Variants in GRIN2B observed in about 807,000 individuals in gnomAD.
GRIN2B encodes glutamate ionotropic receptor NMDA type subunit 2B, also known as glutamate receptor ionotropic, NMDA 2B.
A neutral mutation model predicts 114.5 loss-of-function variants in GRIN2B; 5 were observed. The ratio of observed to expected loss-of-function variants is 0.04; its 90% CI spans 0.02 to 0.09. The LOEUF (loss-of-function observed/expected upper bound fraction) is 0.09. GRIN2B is among the 10% of genes least tolerant of loss of function. The pLI, the probability that GRIN2B is intolerant of heterozygous loss-of-function variation, is 1.00. For synonymous variants in GRIN2B, 787 were observed against 745.1 expected, an observed-to-expected ratio of 1.06 and a Z score of -0.92; for missense variants, 1,108 against 1,943.5, an observed-to-expected ratio of 0.57 and a Z score of 8.08.
chr12:13,780,059 T>A (rs990879846), intron 3 of GRIN2B, among the ~76,000 whole-genome samples: 1 of 152,178 alleles, frequency 6.6e-6, no homozygotes, highest in African/African-American at 2.4e-5. Flanking sequence ...ATCAGGAAAA[T>A]TCTCTCTCCA....
intron 4 of GRIN2B, among the ~76,000 whole-genome samples, chr12:13,726,658 T>A (rs974036567): frequency 1.1e-4 from 16 of 151,338 alleles, no homozygotes; most frequent in African/African-American, 3.4e-4. Flanking sequence ...TTCATGTATT[T>A]TTTTAAATTT....
At chr12:13,608,382 A>C (rs1186173820) in intron 10 of GRIN2B, among the ~76,000 whole-genome samples, 1 of 152,186 alleles carries the variant, frequency 6.6e-6, no homozygotes, top group Non-Finnish European at 1.5e-5. Flanking sequence ...TTTTCAGCCT[A>C]GGGTGTACTA....
At position 13,698,737 on chromosome 12, in the gene GRIN2B, C is replaced by G. The variant is rs556698875; in HGVS notation, c.1011-22878G>C. ...TCTCTCTGTCACCCATGCTGCAGTG[C>G]AGTGGCACGATCCTGGCTCACTGCA... On this transcript the variant is annotated intron_variant, in intron 4 of 13. Transcript: ENST00000609686. Among the ~76,000 whole-genome samples, 206 of 152,280 alleles carry G rather than the reference C, an allele frequency of 1.4e-3. 1 individual carries two copies. Among genetic ancestry groups the G allele is most frequent in the African/African-American group, 4.5e-3 (187 of 41,562 alleles).
At chr12:13,726,833 A>G (rs1862998652) in intron 4 of GRIN2B, among the ~76,000 whole-genome samples, 2 of 151,932 alleles carry the variant, frequency 1.3e-5, no homozygotes, top group Non-Finnish European at 2.9e-5. Context: ...CCCTTTCCGC[A>G]AGTCCACAAA....
At chr12:13,699,831 C>T (rs1449464640) in intron 4 of GRIN2B, among the ~76,000 whole-genome samples, 1 of 151,586 alleles carries the variant, frequency 6.6e-6, no homozygotes, top group Non-Finnish European at 1.5e-5. Context: ...TTGTGATCCG[C>T]CCACCTCAGC....
chr12:13,675,835 C>T lies in GRIN2B; in HGVS notation c.1035G>A (p.Glu345=), dbSNP rs146812769. ...CTTCACTGAAGGACAAATTCCTCCC[C>T]TCAAAAGTGACATTGATCAGATACC... is the stretch of plus-strand genomic sequence containing the variant. ...LNRYLINVTF[E]GRNLSFSEDG... Residue 345 remains glutamate (E), a synonymous_variant, in exon 5 of 14, where the codon GAG becomes GAA. Coordinates refer to ENST00000609686, the MANE Select transcript of GRIN2B (RefSeq NM_000834.5). 266 of 1,601,502 alleles carry T rather than the reference C, an allele frequency of 1.7e-4. No homozygotes were observed. Among genetic ancestry groups the T allele is most frequent in the Non-Finnish European group, 2.1e-4 (245 of 1,168,966 alleles).
chr12:13,929,367 G>T (rs1239917574), intron 2 of GRIN2B, among the ~76,000 whole-genome samples: 1 of 151,916 alleles, frequency 6.6e-6, no homozygotes, highest in African/African-American at 2.4e-5. Context: ...AATACAGTAT[G>T]TGATCACCAG....
intron 3 of GRIN2B, among the ~76,000 whole-genome samples, chr12:13,781,677 C>G (rs1370428719): frequency 6.6e-6 from 1 of 152,118 alleles, no homozygotes; most frequent in Non-Finnish European, 1.5e-5. Context: ...AAAGTAACTC[C>G]AAAGAGTAGA....
rs1313989506 is a variant in GRIN2B at position 13,627,395 on chromosome 12, T to C, written c.1126-10738A>G. Among the ~76,000 whole-genome samples the C allele has an allele frequency of 2.6e-5, 4 of 152,200 alleles. 1 individual carries two copies. Among genetic ancestry groups the C allele is most frequent in the Admixed American group, 2.6e-4 (4 of 15,286 alleles). On this transcript the variant is annotated intron_variant, in intron 5 of 13. Coordinates refer to ENST00000609686, the MANE Select transcript of GRIN2B (RefSeq NM_000834.5). ...TTTCATTCATAAATGGCAATATAAC[T>C]ATCTTTGTGGGGTTCTGATGAAAAT... is the stretch of plus-strand genomic sequence containing the variant.
chr12:13,760,532 T>A (rs1863660273), intron 3 of GRIN2B, among the ~76,000 whole-genome samples: 1 of 152,228 alleles, frequency 6.6e-6, no homozygotes, highest in Non-Finnish European at 1.5e-5. Flanking sequence ...CTGGTTTCCC[T>A]CTACTCTCTT....
At chr12:13,651,695 C>T (rs1271319604) in intron 5 of GRIN2B, among the ~76,000 whole-genome samples, 2 of 152,092 alleles carry the variant, frequency 1.3e-5, no homozygotes, top group Non-Finnish European at 1.5e-5. Context: ...CTCTACCTGT[C>T]TCATAACTAA....
At chr12:13,735,782 T>C (rs950558847) in intron 4 of GRIN2B, among the ~76,000 whole-genome samples, 4 of 152,192 alleles carry the variant, frequency 2.6e-5, no homozygotes, top group African/African-American at 9.7e-5. Flanking sequence ...CAATTTCTTA[T>C]AGACATATTT....
At chr12:13,602,022 A>T (rs1949167839) in intron 10 of GRIN2B, among the ~76,000 whole-genome samples, 1 of 152,072 alleles carries the variant, frequency 6.6e-6, no homozygotes, top group Non-Finnish European at 1.5e-5. Context: ...TCTGTTCTGG[A>T]CCCATTTGGA....
intron 5 of GRIN2B, among the ~76,000 whole-genome samples, chr12:13,647,585 C>T (rs1223480485): frequency 6.6e-6 from 1 of 151,986 alleles, no homozygotes; most frequent in African/African-American, 2.4e-5. Flanking sequence ...CTCCCCATGC[C>T]CTCCTCCCTG....
At chr12:13,795,903 C>CG (rs1266713455) in intron 3 of GRIN2B, among the ~76,000 whole-genome samples, 6 of 151,564 alleles carry the variant, frequency 4.0e-5, no homozygotes, top group Non-Finnish European at 7.4e-5. Context: ...GGACAAAGGG[C>CG]GGGGAACATC....
intron 5 of GRIN2B, among the ~76,000 whole-genome samples, chr12:13,674,713 G>C (rs1824184399): frequency 6.6e-6 from 1 of 152,140 alleles, no homozygotes; most frequent in African/African-American, 2.4e-5. Flanking sequence ...TGTGGAAGTT[G>C]TCTTAAATCA....
chr12:13,724,346 G>A (rs1366743087), intron 4 of GRIN2B, among the ~76,000 whole-genome samples: 1 of 152,174 alleles, frequency 6.6e-6, no homozygotes, highest in African/African-American at 2.4e-5. Context: ...CAGAAATCAG[G>A]AAGCACATGT....
In GRIN2B at chr12:13,553,875, C is replaced by G. The variant is rs955621569; in HGVS notation, c.*8908G>C. On this transcript the variant is annotated 3_prime_UTR_variant, in exon 14 of 14. Coordinates refer to ENST00000609686, the MANE Select transcript of GRIN2B (RefSeq NM_000834.5). ...ACATGTAGTGTTCCAAGTACACTTTCCTAACCATAAAACAGTCCAAAACAA... is the reference window on the plus strand; with the variant it reads ...ACATGTAGTGTTCCAAGTACACTTTGCTAACCATAAAACAGTCCAAAACAA... The G allele has an allele frequency of 6.6e-6, 1 of 152,160 alleles. No individual in the cohort carries two copies. The highest frequency in any genetic ancestry group is 1.5e-5 in the Non-Finnish European group (1 of 68,028). 9.4% of individuals were successfully genotyped at this position (152,160 alleles called of 1,614,324 possible).
intron 10 of GRIN2B, among the ~76,000 whole-genome samples, chr12:13,575,343 T>C (rs1948761006): frequency 1.3e-5 from 2 of 152,262 alleles, no homozygotes; most frequent in African/African-American, 4.8e-5. Context: ...GCAAGACTTA[T>C]ATAGTTAAGG....
Sources: allele counts gnomAD v4.1 joint callset (sites outside exome capture counted in the v4.1 genomes callset), GRCh38; gene constraint gnomAD v4.1.1; transcripts MANE v1.5; gene names NCBI Gene and HGNC (gene_info 2026-07-23, HGNC 2026-07-21).